DOCK2: variants seen among roughly 807,000 people sequenced by gnomAD.
DOCK2 encodes dedicator of cytokinesis 2, also known as dedicator of cytokinesis protein 2.
A neutral mutation model predicts 248.9 loss-of-function variants in DOCK2; 87 were observed. The ratio of observed to expected loss-of-function variants is 0.35; its 90% CI spans 0.29 to 0.42. DOCK2 has a LOEUF of 0.42. DOCK2 is among the 10% of genes least tolerant of loss of function. The probability of loss-of-function intolerance (pLI) is 1.00; values close to 1 mark genes in which losing one functional copy is unlikely to be tolerated. For missense variants in DOCK2, 1,747 were observed against 2,300.2 expected (o/e 0.76, Z 4.92); for synonymous variants, 805 against 821.6 (o/e 0.98, Z 0.35).
chr5:169,749,270 C>T (rs1000433621), intron 23 of DOCK2, among the ~76,000 whole-genome samples: 1 of 152,182 alleles, frequency 6.6e-6, no homozygotes, highest in Admixed American at 6.5e-5. Flanking sequence ...CTTTCTATGT[C>T]TCTGAGGTGG....
intron 21 of DOCK2, among the ~76,000 whole-genome samples, chr5:169,718,020 C>T (rs1265797140): frequency 1.3e-5 from 2 of 152,102 alleles, no homozygotes; most frequent in Non-Finnish European, 2.9e-5. Context: ...AGAGATCACA[C>T]CACTGCACTC....
chr5:169,800,932 T>TTTTCTTTC (rs759411682), intron 25 of DOCK2, among the ~76,000 whole-genome samples: 1 of 124,694 alleles, frequency 8.0e-6, no homozygotes, highest in African/African-American at 3.9e-5. Flanking sequence ...TTCTTTTTTC[T>TTTTCTTTC]TTTCTTTCTT....
At chr5:169,692,980 A>G (rs1760393887) in intron 9 of DOCK2, among the ~76,000 whole-genome samples, 1 of 150,544 alleles carries the variant, frequency 6.6e-6, no homozygotes, top group Admixed American at 6.6e-5. Context: ...GAGACACTGA[A>G]GATTAGGTAT....
chr5:169,726,329 C>G (rs1166443715), intron 22 of DOCK2, among the ~76,000 whole-genome samples: 2 of 152,108 alleles, frequency 1.3e-5, no homozygotes, highest in Non-Finnish European at 2.9e-5. Flanking sequence ...TGTTTATATA[C>G]TTTGCCCACT....
intron 27 of DOCK2, among the ~76,000 whole-genome samples, chr5:169,930,279 C>G (rs536067811): frequency 6.6e-6 from 1 of 152,116 alleles, no homozygotes; most frequent in African/African-American, 2.4e-5. Flanking sequence ...CTTGAGCCAC[C>G]GCACCTGGCC....
At chr5:169,822,540 G>C (rs1768528808) in intron 26 of DOCK2, among the ~76,000 whole-genome samples, 1 of 152,162 alleles carries the variant, frequency 6.6e-6, no homozygotes, top group African/African-American at 2.4e-5. Context: ...ATGAAATGAA[G>C]GCAGAAATAA....
At chr5:169,863,724 C>G (rs1771351893) in intron 27 of DOCK2, among the ~76,000 whole-genome samples, 1 of 152,246 alleles carries the variant, frequency 6.6e-6, no homozygotes, top group Non-Finnish European at 1.5e-5. Flanking sequence ...ACCCAACACA[C>G]CAGGGTGATC....
chr5:169,780,332 T>TGTGTGTGG lies in DOCK2; in HGVS notation c.2554+18714_2554+18715insGGTGTGTG, dbSNP rs1554100116. ...GTGTGTGTGTGTGTGTGTGTGTGTG[T>TGTGTGTGG]GTGTGTGTTGAATCGTTCTAACACA... On this transcript the variant is annotated intron_variant, in intron 25 of 51. Coordinates refer to ENST00000520908, the MANE Select transcript of DOCK2 (RefSeq NM_004946.3). Among the ~76,000 whole-genome samples the TGTGTGTGG allele has an allele frequency of 7.8e-3, 882 of 113,620 alleles. 9 individuals are homozygous for TGTGTGTGG. Among genetic ancestry groups the TGTGTGTGG allele is most frequent in the African/African-American group, 0.023 (848 of 37,366 alleles). 74.5% of individuals were successfully genotyped at this position (113,620 alleles called of 152,430 possible).
At chr5:169,719,909 ACT>A (rs1762101285) in intron 22 of DOCK2, among the ~76,000 whole-genome samples, 2 of 150,910 alleles carry the variant, frequency 1.3e-5, no homozygotes, top group South Asian at 4.2e-4. Flanking sequence ...ACAAAGCAAG[ACT>A]CTGACTCTTA....
chr5:169,840,439 T>C (rs1207306450), intron 26 of DOCK2, among the ~76,000 whole-genome samples: 1 of 152,184 alleles, frequency 6.6e-6, no homozygotes, highest in Non-Finnish European at 1.5e-5. Context: ...ACTTAACCAA[T>C]GCAGTACTAA....
At chr5:170,041,262 G>T in intron 37 of DOCK2, 117 bp downstream of exon 37, 1 of 927,332 alleles carries the variant, frequency 1.1e-6, no homozygotes, top group Non-Finnish European at 1.7e-6. Flanking sequence ...GTTTTGCCCT[G>T]TGTCTCCAAA....
intron 2 of DOCK2, among the ~76,000 whole-genome samples, chr5:169,665,776 T>A (rs752050365): frequency 3.9e-5 from 6 of 152,282 alleles, no homozygotes; most frequent in Non-Finnish European, 7.4e-5. Flanking sequence ...CCAAAGGCCA[T>A]GTGGCTTGGA....
chr5:169,888,609 C>T (rs1301038292), intron 27 of DOCK2, among the ~76,000 whole-genome samples: 1 of 152,138 alleles, frequency 6.6e-6, no homozygotes, highest in African/African-American at 2.4e-5. Flanking sequence ...TTCTCAGTAT[C>T]TTTAGGCCAT....
chr5:169,955,360 G>C (rs1380335519), intron 27 of DOCK2, among the ~76,000 whole-genome samples: 1 of 152,114 alleles, frequency 6.6e-6, no homozygotes, highest in Admixed American at 6.5e-5. Flanking sequence ...CTACTGTGTA[G>C]CTGGCATATT....
intron 13 of DOCK2, 181 bp from the exon 14 acceptor site, chr5:169,702,122 G>A (rs545537984): frequency 3.7e-6 from 2 of 543,552 alleles, no homozygotes; most frequent in Non-Finnish European, 2.9e-6. Flanking sequence ...CTTCATCCCC[G>A]TGTTACCTAC....
At chr5:169,753,480 C>T (rs1424375903) in intron 23 of DOCK2, among the ~76,000 whole-genome samples, 5 of 151,106 alleles carry the variant, frequency 3.3e-5, no homozygotes, top group Admixed American at 2.0e-4. Flanking sequence ...TATGCAAAGA[C>T]AAATGGGCTT....
rs1247938453 is a variant in DOCK2 at position 169,759,784 on chromosome 5, T to C, written c.2447+9T>C. 6.2e-7 allele frequency: 1 copy of C among 1,613,762 alleles called. No individual in the cohort carries two copies. The highest frequency in any genetic ancestry group is 8.5e-7 in the Non-Finnish European group (1 of 1,179,768). ...GATGCGAAGTTACTCAGGTGAGAGC[T>C]CATGTTGTACTTTCTTGGGCTCTGC... On this transcript the variant is annotated intron_variant, in intron 24 of 51. Transcript: ENST00000520908.
chr5:169,686,291 T>C (rs952944734), intron 8 of DOCK2, among the ~76,000 whole-genome samples: 1 of 151,038 alleles, frequency 6.6e-6, no homozygotes, highest in Admixed American at 6.6e-5. Flanking sequence ...GACAAGGGAG[T>C]GTGGTCGGCT....
intron 27 of DOCK2, among the ~76,000 whole-genome samples, chr5:169,859,999 A>G (rs1028221993): frequency 3.6e-5 from 4 of 111,374 alleles, no homozygotes; most frequent in Non-Finnish European, 6.8e-5. Flanking sequence ...GAGACAGACT[A>G]TTGCTCCGTC....
Sources: gnomAD v4.1 joint callset for allele counts (sites outside exome capture counted in the v4.1 genomes callset) on GRCh38, gnomAD v4.1.1 for gene constraint, MANE v1.5 for transcripts, NCBI Gene and HGNC (gene_info 2026-07-23, HGNC 2026-07-21) for gene names.